Variants in VAV2 observed in about 807,000 individuals in gnomAD.
VAV2 encodes vav guanine nucleotide exchange factor 2.
In VAV2, 67 loss-of-function variants were observed where a neutral mutation model predicts 132.5. The observed-to-expected ratio is 0.51, with a 90% CI of 0.42 to 0.62. The LOEUF (loss-of-function observed/expected upper bound fraction) is 0.62. Ranked by LOEUF, VAV2 falls within the 20% of genes least tolerant of loss-of-function variation. VAV2 has a pLI of 0.00. For missense variants in VAV2, 938 were observed against 1,153.6 expected, an observed-to-expected ratio of 0.81 and a Z score of 2.71; for synonymous variants, 492 against 443.5, an observed-to-expected ratio of 1.11 and a Z score of -1.37.
Position 133,953,150 on chromosome 9 carries a change from TAG to T in VAV2, c.205-13933_205-13932del, listed in dbSNP as rs1841625069. Among the ~76,000 whole-genome samples the T allele has an allele frequency of 2.0e-5, 3 of 152,144 alleles. No homozygotes were observed. The South Asian group carries it at 6.2e-4, about 32-fold the overall frequency. On this transcript the variant is annotated intron_variant, in intron 1 of 29. Coordinates refer to ENST00000371850, the MANE Select transcript of VAV2 (RefSeq NM_001134398.2). ...GAGGCAGCACAGCCCTGCCAACACCTAGAGCTTCCAGAGGGAGCACAGCCCTG... is the reference window on the plus strand; with the variant it reads ...GAGGCAGCACAGCCCTGCCAACACCTAGCTTCCAGAGGGAGCACAGCCCTG...
In VAV2 at chr9:133,770,407, G is replaced by A. The variant is rs756680997; in HGVS notation, c.2318C>T (p.Ser773Leu). 46 of 1,613,952 alleles carry A rather than the reference G, an allele frequency of 2.9e-5. 1 individual carries two copies. Among genetic ancestry groups the A allele is most frequent in the African/African-American group, 4.0e-5 (3 of 74,934 alleles). The change falls in exon 27 of 30, where the codon TCG (serine) becomes TTG (leucine). Residue 773 changes from serine (S) to leucine (L), a missense_variant. Transcript: ENST00000371850. ...LKYPYKSRERSASRASSRSPA... is the reference protein window; with the variant it reads ...LKYPYKSRERLASRASSRSPA... ...GGACCGGCTGGAGGCCCTGGAGGCC[G>A]AACGTTCCCGGGACTTGTAGGGGTA...
chr9:133,984,396 G>T (rs113217241), intron 1 of VAV2, among the ~76,000 whole-genome samples: 27,944 of 152,140 alleles, frequency 0.18, 3,004 homozygotes, highest in African/African-American at 0.29. Context: ...TGAGGATCAC[G>T]TGAGCCCAGG....
At position 133,794,305 on chromosome 9, in the gene VAV2, G is replaced by A. The variant is rs1168480527; in HGVS notation, c.1101+1363C>T. Among the ~76,000 whole-genome samples, 1 of 152,040 alleles carries A rather than the reference G, an allele frequency of 6.6e-6. No individual in the cohort carries two copies. The highest frequency in any genetic ancestry group is 1.5e-5 in the Non-Finnish European group (1 of 68,004). ...AAGTTCTGTCAGCCCGTCATGGCAGGAGGCTTTCCTGGAGCATTCCTCAGG... is the reference window on the plus strand; with the variant it reads ...AAGTTCTGTCAGCCCGTCATGGCAGAAGGCTTTCCTGGAGCATTCCTCAGG... On this transcript the variant is annotated intron_variant, in intron 12 of 29. Transcript: ENST00000371850. This position sits in a 1 kb window ranked among gnomAD's most constrained non-coding sequence, Gnocchi z 4.6.
intron 4 of VAV2, among the ~76,000 whole-genome samples, chr9:133,832,073 C>G (rs1433186372): frequency 6.6e-6 from 1 of 152,202 alleles, no homozygotes; most frequent in Non-Finnish European, 1.5e-5. Context: ...TACAGGCATC[C>G]TACCATGTGC....
intron 2 of VAV2, among the ~76,000 whole-genome samples, chr9:133,893,836 T>G (rs1023036615): frequency 2.6e-5 from 4 of 151,936 alleles, no homozygotes; most frequent in African/African-American, 9.7e-5. Flanking sequence ...CCACCGCACC[T>G]GACCCACACA....
At chr9:133,924,583 A>C (rs1347167903) in intron 2 of VAV2, among the ~76,000 whole-genome samples, 1 of 152,184 alleles carries the variant, frequency 6.6e-6, no homozygotes, top group East Asian at 1.9e-4. Context: ...TAAGTCACCT[A>C]CACTGCAGCA....
intron 13 of VAV2, 137 bp downstream of exon 13, chr9:133,791,646 T>C (rs1219503410): frequency 2.7e-6 from 2 of 740,454 alleles, no homozygotes; most frequent in Non-Finnish European, 4.6e-6. Flanking sequence ...AACTCAGAAG[T>C]TGCCGGGCAC....
At position 133,777,428 on chromosome 9, in the gene VAV2, G is replaced by C. The variant is rs1484446568; in HGVS notation, c.1926C>G (p.Phe642Leu). 1 of 1,613,646 alleles carries C rather than the reference G, an allele frequency of 6.2e-7. No homozygotes were observed. The highest frequency in any genetic ancestry group is 8.5e-7 in the Non-Finnish European group (1 of 1,180,014). The change falls in exon 23 of 30, where the codon TTC (phenylalanine) becomes TTG (leucine). Residue 642 changes from phenylalanine (F) to leucine (L), a missense_variant. Physicochemically the swap from Phe to Leu is conservative, Grantham distance 22 (BLOSUM62 0). Transcript: ENST00000371850. Reference sequence around the variant, plus strand: ...GGCAGGGCTTCACAGATGAGCTGGGGAAATACCCTGACTTCCTGGTTTGTA... The same window carrying C: ...GGCAGGGCTTCACAGATGAGCTGGGCAAATACCCTGACTTCCTGGTTTGTA... ...RLVQTRKSGY[F>L]PSSSVKPCPV...
rs559430251 is a variant in VAV2 at position 133,804,707 on chromosome 9, G to C, written c.836+1374C>G. Among the ~76,000 whole-genome samples the C allele has an allele frequency of 1.5e-3, 223 of 152,316 alleles. No homozygotes were observed. Among genetic ancestry groups the C allele is most frequent in the Middle Eastern group, 6.8e-3 (2 of 294 alleles). On this transcript the variant is annotated intron_variant, in intron 9 of 29. Transcript: ENST00000371850. This position sits in a 1 kb window ranked among gnomAD's most constrained non-coding sequence, Gnocchi z 4.5. ...TGTACCCCACACCTGCTGAGGACTG[G>C]GGCGACAGCCAGTGTGACCTGCCAG... is the stretch of plus-strand genomic sequence containing the variant.
intron 1 of VAV2, among the ~76,000 whole-genome samples, chr9:133,978,229 G>A (rs1001049541): frequency 6.6e-6 from 1 of 152,216 alleles, no homozygotes; most frequent in African/African-American, 2.4e-5. Flanking sequence ...GGATCTCACT[G>A]CCACCTCCTC....
intron 2 of VAV2, among the ~76,000 whole-genome samples, chr9:133,908,496 G>T (rs1345815593): frequency 1.3e-5 from 2 of 149,750 alleles, no homozygotes; most frequent in East Asian, 2.0e-4. Context: ...AGCCAGACAA[G>T]GACCCGCCCC....
intron 3 of VAV2, among the ~76,000 whole-genome samples, chr9:133,838,326 C>T (rs573294756): frequency 1.6e-3 from 237 of 151,436 alleles, no homozygotes; most frequent in Middle Eastern, 3.4e-3. Flanking sequence ...CAGTGCCTGG[C>T]GCTAGAAAGG....
intron 1 of VAV2, among the ~76,000 whole-genome samples, chr9:133,984,626 TAATAAG>T (rs1288794916): frequency 1.3e-5 from 2 of 151,804 alleles, no homozygotes; most frequent in East Asian, 3.9e-4. Flanking sequence ...AAATAATTCA[TAATAAG>T]AATATTTCTT....
intron 9 of VAV2, among the ~76,000 whole-genome samples, chr9:133,803,020 GA>G (rs1564362415): frequency 6.6e-6 from 1 of 152,206 alleles, no homozygotes; most frequent in East Asian, 1.9e-4. Flanking sequence ...TGGGGTTTTT[GA>G]GGTGGACCAT....
At chr9:133,881,266 T>C (rs1838484952) in intron 2 of VAV2, among the ~76,000 whole-genome samples, 1 of 152,274 alleles carries the variant, frequency 6.6e-6, no homozygotes, top group Non-Finnish European at 1.5e-5. Context: ...GCAGGCATGA[T>C]GCTATCTGCA....
chr9:133,957,270 GGTTT>G (rs1405992087), intron 1 of VAV2, among the ~76,000 whole-genome samples: 2 of 147,622 alleles, frequency 1.4e-5, no homozygotes, highest in South Asian at 2.1e-4. Flanking sequence ...GGATGAAACG[GGTTT>G]GTTTTTTTCT....
intron 1 of VAV2, among the ~76,000 whole-genome samples, chr9:133,986,393 G>A (rs1466684514): frequency 1.3e-5 from 2 of 152,210 alleles, no homozygotes; most frequent in Non-Finnish European, 2.9e-5. Context: ...GGTTGACAGA[G>A]GGGGACACAG....
intron 12 of VAV2, 104 bp downstream of exon 12, chr9:133,795,564 T>C (rs934580135): frequency 1.4e-6 from 2 of 1,406,832 alleles, no homozygotes; most frequent in African/African-American, 2.8e-5. Flanking sequence ...CCCAGGAAAC[T>C]GTCCACAGTC....
intron 5 of VAV2, 79 bp downstream of exon 5, chr9:133,812,035 C>T (rs775720606): frequency 6.2e-6 from 9 of 1,442,474 alleles, no homozygotes; most frequent in Admixed American, 3.4e-5. Flanking sequence ...GGGGACAGCT[C>T]GGTATTGTGT....
Sources: allele counts gnomAD v4.1 joint callset (sites outside exome capture counted in the v4.1 genomes callset), GRCh38; gene constraint gnomAD v4.1.1; non-coding constraint Gnocchi (gnomAD v3.1); transcripts MANE v1.5; gene names NCBI Gene and HGNC (gene_info 2026-07-23, HGNC 2026-07-21).